Variants in CCDC83 observed in about 807,000 individuals in gnomAD.
CCDC83 encodes the protein coiled-coil domain-containing protein 83.
CCDC83 carries 54 observed loss-of-function variants against 50.1 expected under a neutral mutation model. The ratio of observed to expected loss-of-function variants is 1.08; its 90% confidence interval spans 0.87 to 1.35. CCDC83 has a LOEUF of 1.35. CCDC83 is among the 40% of genes most tolerant of loss of function. The pLI, the probability that CCDC83 is intolerant of heterozygous loss-of-function variation, is 0.00. For synonymous variants in CCDC83, 161 were observed against 153.3 expected (o/e 1.05, Z -0.37); for missense variants, 518 against 473.9 (o/e 1.09, Z -0.86).
Position 85,855,588 on chromosome 11 carries a change from T to TTTA in CCDC83, c.-29+4_-29+5insTTA, listed in dbSNP as rs1306617023. 2 of 152,438 alleles carry TTTA rather than the reference T, an allele frequency of 1.3e-5. No homozygotes were observed. Among genetic ancestry groups the TTTA allele is most frequent in the Non-Finnish European group, 1.5e-5 (1 of 68,188 alleles). 9.4% of individuals were successfully genotyped at this position (152,438 alleles called of 1,614,324 possible). On this transcript the variant is annotated splice_donor_region_variant and intron_variant, in intron 1 of 10. Transcript: ENST00000342404. ...GCAGGCTCTGAATTTGATTCAGGTTTGTAACCTTCACGGTGCCCTCACACA... is the reference window on the plus strand; with the variant it reads ...GCAGGCTCTGAATTTGATTCAGGTTTTTAGTAACCTTCACGGTGCCCTCACACA...
intron 2 of CCDC83, among the ~76,000 whole-genome samples, chr11:85,866,643 G>C (rs1482679984): frequency 2.0e-5 from 3 of 148,938 alleles, no homozygotes; most frequent in Non-Finnish European, 4.4e-5. Flanking sequence ...GACAGAGAGG[G>C]ACCCTGTCTC....
At chr11:85,869,358 T>C (rs2093224614) in intron 2 of CCDC83, among the ~76,000 whole-genome samples, 1 of 152,236 alleles carries the variant, frequency 6.6e-6, no homozygotes, top group Non-Finnish European at 1.5e-5. Flanking sequence ...GTAGTTTTTA[T>C]TTTCTCCTTT....
At chr11:85,905,589 A>G (rs1250339442) in intron 7 of CCDC83, among the ~76,000 whole-genome samples, 3 of 147,384 alleles carry the variant, frequency 2.0e-5, no homozygotes, top group East Asian at 2.1e-4. Context: ...CAGCCTGGGC[A>G]ACAAGAGCCA....
At chr11:85,909,608 ACTTT>A (rs2093443091) in intron 7 of CCDC83, among the ~76,000 whole-genome samples, 1 of 65,058 alleles carries the variant, frequency 1.5e-5, no homozygotes, top group Admixed American at 1.7e-4. Flanking sequence ...ATCAAAATAC[ACTTT>A]TTTTTTTTTT....
chr11:85,896,392 C>T (rs112972602), intron 6 of CCDC83, among the ~76,000 whole-genome samples: 2 of 116,408 alleles, frequency 1.7e-5, no homozygotes, highest in Admixed American at 1.1e-4. Context: ...CAAAGTGAGA[C>T]CTTGTCTCAA....
intron 1 of CCDC83, among the ~76,000 whole-genome samples, chr11:85,864,656 T>G (rs2093196684): frequency 6.6e-6 from 1 of 152,240 alleles, no homozygotes; most frequent in Admixed American, 6.5e-5. Context: ...AATTCTTAAG[T>G]CTTTTGGATC....
intron 10 of CCDC83, among the ~76,000 whole-genome samples, chr11:85,917,205 A>AGAAG (rs1554986930): frequency 4.2e-5 from 5 of 118,326 alleles, no homozygotes; most frequent in Non-Finnish European, 9.4e-5. Flanking sequence ...AAAGAAAGAA[A>AGAAG]GAAGGAAAGA....
chr11:85,856,935 G>A (rs1335350677), intron 1 of CCDC83, among the ~76,000 whole-genome samples: 4 of 152,140 alleles, frequency 2.6e-5, no homozygotes, highest in Non-Finnish European at 5.9e-5. Flanking sequence ...TTCTAATTAA[G>A]TTAAACATGT....
intron 2 of CCDC83, among the ~76,000 whole-genome samples, chr11:85,869,932 A>G (rs188534709): frequency 6.6e-6 from 1 of 152,302 alleles, no homozygotes; most frequent in Admixed American, 6.5e-5. Context: ...AAGCTCCACA[A>G]GCGGGCCAGT....
chr11:85,857,330 C>A (rs2153681058), intron 1 of CCDC83, among the ~76,000 whole-genome samples: 1 of 152,362 alleles, frequency 6.6e-6, no homozygotes, highest in Non-Finnish European at 1.5e-5. Flanking sequence ...GCTGCAACAT[C>A]ACCCAGGACC....
intron 3 of CCDC83, among the ~76,000 whole-genome samples, chr11:85,874,181 C>A (rs1452024899): frequency 1.3e-5 from 2 of 152,316 alleles, no homozygotes; most frequent in Non-Finnish European, 2.9e-5. Context: ...ATAAGACAAG[C>A]CAGTAATATA....
intron 7 of CCDC83, among the ~76,000 whole-genome samples, chr11:85,901,343 CAGG>C (rs1279763211): frequency 6.6e-6 from 1 of 151,686 alleles, no homozygotes; most frequent in Non-Finnish European, 1.5e-5. Flanking sequence ...CAAGTCAATG[CAGG>C]AGGATTGCTT....
At chr11:85,903,188 G>C (rs2093409972) in intron 7 of CCDC83, among the ~76,000 whole-genome samples, 2 of 152,052 alleles carry the variant, frequency 1.3e-5, no homozygotes, top group Non-Finnish European at 2.9e-5. Flanking sequence ...AGCTGAGAGT[G>C]CACCACTGCA....
At chr11:85,884,644 C>T (rs1292939327) in intron 4 of CCDC83, among the ~76,000 whole-genome samples, 1 of 152,142 alleles carries the variant, frequency 6.6e-6, no homozygotes, top group Non-Finnish European at 1.5e-5. Flanking sequence ...TGTCAGATCT[C>T]AGCTTAAACA....
At chr11:85,895,569 T>C (rs549420701) in intron 6 of CCDC83, among the ~76,000 whole-genome samples, 185 bp downstream of exon 6, 39 of 152,294 alleles carry the variant, frequency 2.6e-4, no homozygotes, top group Non-Finnish European at 5.3e-4. Flanking sequence ...ATAATTTGTC[T>C]AAAAAATACT....
chr11:85,860,516 G>A (rs759101373), intron 1 of CCDC83, among the ~76,000 whole-genome samples: 1 of 152,176 alleles, frequency 6.6e-6, no homozygotes, highest in African/African-American at 2.4e-5. Context: ...AGGTTTAGCA[G>A]AAAAGGGAAC....
At chr11:85,872,255 C>T (rs1011656572) in intron 2 of CCDC83, among the ~76,000 whole-genome samples, 4 of 152,204 alleles carry the variant, frequency 2.6e-5, no homozygotes, top group African/African-American at 7.2e-5. Context: ...GAGCCCGAAG[C>T]GGGCAGATCA....
At chr11:85,883,200 G>A (rs1471204050) in intron 4 of CCDC83, among the ~76,000 whole-genome samples, 1 of 152,116 alleles carries the variant, frequency 6.6e-6, no homozygotes, top group Non-Finnish European at 1.5e-5. Context: ...TTACAGGCGT[G>A]AGCCACCATG....
At chr11:85,892,979 G>A (rs2093356976) in intron 5 of CCDC83, among the ~76,000 whole-genome samples, 1 of 152,122 alleles carries the variant, frequency 6.6e-6, no homozygotes, top group African/African-American at 2.4e-5. Flanking sequence ...CCTCACTCTA[G>A]TCCATCTCTA....
Sources: allele counts gnomAD v4.1 joint callset (sites outside exome capture counted in the v4.1 genomes callset), GRCh38; gene constraint gnomAD v4.1.1; transcripts MANE v1.5; gene names NCBI Gene and HGNC (gene_info 2026-07-23, HGNC 2026-07-21).